The following ANKRD30A variants were observed in gnomAD, a reference collection of about 807,000 sequenced individuals.
ANKRD30A encodes ankyrin repeat domain-containing protein 30A.
A neutral mutation model predicts 166.3 loss-of-function variants in ANKRD30A; 170 were observed. The ratio of observed to expected loss-of-function variants is 1.02; its 90% CI spans 0.90 to 1.16. The LOEUF is 1.16. Among genes scored for constraint, ANKRD30A ranks in the 50% most tolerant of loss-of-function variants. The probability of loss-of-function intolerance (pLI) is 0.00; values close to 1 mark genes in which losing one functional copy is unlikely to be tolerated. For synonymous variants in ANKRD30A, 564 were observed against 508.9 expected (o/e 1.11, Z -1.46); for missense variants, 1,630 against 1,518.0 (o/e 1.07, Z -1.23).
chr10:37,130,275 A>C lies in ANKRD30A; in HGVS notation c.407A>C (p.Asp136Ala). The stretch of plus-strand genomic sequence containing the variant: ...TCTGGTGCCGATATAAATCTCGTAG[A>C]TGTGTATGGCAACACGGCTCTCCAT... ...IDSGADINLV[D>A]VYGNTALHYA... Residue 136 changes from aspartate (D) to alanine (A), a missense_variant, in exon 3 of 36, where the codon GAT (aspartate) becomes GCT (alanine). Asp to Ala is a moderately radical substitution (Grantham distance 126). Coordinates refer to ENST00000361713, the MANE Select transcript of ANKRD30A (RefSeq NM_052997.3). 1 of 1,605,144 alleles carries C rather than the reference A, an allele frequency of 6.2e-7. No homozygotes were observed. The highest frequency in any genetic ancestry group is 8.5e-7 in the Non-Finnish European group (1 of 1,176,070).
chr10:37,139,078 T>G (rs973404203), intron 6 of ANKRD30A, among the ~76,000 whole-genome samples: 21 of 152,294 alleles, frequency 1.4e-4, no homozygotes, highest in South Asian at 8.3e-4. Context: ...TATTCAACAT[T>G]CTTAAAGAAA....
chr10:37,153,776 A>T (rs1838147017), intron 13 of ANKRD30A, 114 bp downstream of exon 13: 1 of 1,423,094 alleles, frequency 7.0e-7, no homozygotes, highest in African/African-American at 1.4e-5. Context: ...AACCATGGAA[A>T]AAAAGAGAAG....
At position 37,219,720 on chromosome 10, in the gene ANKRD30A, A is replaced by AT. The variant is rs766541258; in HGVS notation, c.4010dup (p.Leu1337PhefsTer6). 1.8e-5 allele frequency: 29 copies of AT among 1,609,252 alleles called. No homozygotes were observed. The highest frequency in any genetic ancestry group is 6.7e-5 in the Admixed American group (4 of 59,500). On this transcript the variant is annotated frameshift_variant, in exon 34 of 36. Coordinates refer to ENST00000361713, the MANE Select transcript of ANKRD30A (RefSeq NM_052997.3). LOFTEE classifies it high-confidence loss of function. ...GCAAAAATATGTGGCTTCAACAGCA[A>AT]TTAGTTCATGCACATAAGAAAGCTG...
intron 13 of ANKRD30A, among the ~76,000 whole-genome samples, chr10:37,154,895 T>G (rs1158205087): frequency 6.6e-6 from 1 of 152,192 alleles, no homozygotes; most frequent in East Asian, 1.9e-4. Context: ...TTTTCTTTAT[T>G]ACTATGAGGC....
chr10:37,239,079 C>T, the ANKRD30A span, among the ~76,000 whole-genome samples: 450 of 152,232 alleles, frequency 3.0e-3, 6 homozygotes, highest in African/African-American at 9.2e-3. Flanking sequence ...GAGAATACCT[C>T]TTATACAAAA....
the ANKRD30A span, among the ~76,000 whole-genome samples, chr10:37,254,254 A>G: frequency 6.6e-6 from 1 of 152,230 alleles, no homozygotes; most frequent in South Asian, 2.1e-4. Context: ...TTGCTAGGTC[A>G]TAAGCTACCT....
chr10:37,152,340 G>A (rs1396879114), intron 12 of ANKRD30A, among the ~76,000 whole-genome samples: 1 of 152,104 alleles, frequency 6.6e-6, no homozygotes, highest in African/African-American at 2.4e-5. Context: ...AGAAGCCAAA[G>A]TGGTATAGTG....
intron 25 of ANKRD30A, among the ~76,000 whole-genome samples, chr10:37,190,987 C>G (rs182682031): frequency 6.6e-6 from 1 of 151,700 alleles, no homozygotes; most frequent in African/African-American, 2.4e-5. Flanking sequence ...CTACACGAAA[C>G]CAGACTAATT....
chr10:37,217,661 A>G, intron 32 of ANKRD30A, 34 bp from the exon 33 acceptor site: 1 of 1,456,970 alleles, frequency 6.9e-7, no homozygotes, highest in Non-Finnish European at 9.2e-7. Flanking sequence ...TTTTCTAACA[A>G]AATGAATTTT....
At chr10:37,204,451 T>A (rs1393395665) in intron 31 of ANKRD30A, among the ~76,000 whole-genome samples, 1 of 152,040 alleles carries the variant, frequency 6.6e-6, no homozygotes, top group African/African-American at 2.4e-5. Flanking sequence ...TCCTTACAAC[T>A]TATACAAAAA....
intron 31 of ANKRD30A, among the ~76,000 whole-genome samples, chr10:37,204,405 G>A (rs573564772): frequency 6.6e-6 from 1 of 152,280 alleles, no homozygotes; most frequent in Admixed American, 6.5e-5. Context: ...TGGGAAAACT[G>A]GCTAGCCATA....
intron 6 of ANKRD30A, among the ~76,000 whole-genome samples, chr10:37,139,265 C>T (rs1161619180): frequency 1.3e-5 from 2 of 152,162 alleles, no homozygotes; most frequent in African/African-American, 4.8e-5. Context: ...TACTGATATT[C>T]AGTGAAAGAG....
chr10:37,232,878 A>G (rs1184551857), downstream of ANKRD30A, among the ~76,000 whole-genome samples: 1 of 129,308 alleles, frequency 7.7e-6, no homozygotes, highest in Non-Finnish European at 1.7e-5. Context: ...AGCCTGGGCA[A>G]CATAGCCCCT....
chr10:37,138,838 C>T (rs7081370), intron 6 of ANKRD30A, among the ~76,000 whole-genome samples: 3,027 of 152,254 alleles, frequency 0.02, 88 homozygotes, highest in African/African-American at 0.068. Flanking sequence ...CCCAATCTAG[C>T]AAGGCAGGCC....
chr10:37,252,026 G>A, the ANKRD30A span, among the ~76,000 whole-genome samples: 1 of 152,216 alleles, frequency 6.6e-6, no homozygotes, highest in East Asian at 1.9e-4. Flanking sequence ...CCTGGTGTCA[G>A]GCCACACTGG....
At chr10:37,196,525 T>A (rs1287928399) in intron 27 of ANKRD30A, among the ~76,000 whole-genome samples, 1 of 152,168 alleles carries the variant, frequency 6.6e-6, no homozygotes, top group African/African-American at 2.4e-5. Context: ...AATACTGAAT[T>A]TATACTTCAA....
intron 34 of ANKRD30A, among the ~76,000 whole-genome samples, chr10:37,223,852 T>C (rs991811343): frequency 4.0e-4 from 61 of 151,246 alleles, no homozygotes; most frequent in African/African-American, 1.4e-3. Flanking sequence ...ATTAAACATA[T>C]GTATTGACTT....
chr10:37,132,794 T>G (rs1485260272), intron 4 of ANKRD30A, among the ~76,000 whole-genome samples: 3 of 152,138 alleles, frequency 2.0e-5, no homozygotes, highest in African/African-American at 7.2e-5. Flanking sequence ...GGCCAGGAGT[T>G]TGAGACCAGC....
the ANKRD30A span, among the ~76,000 whole-genome samples, chr10:37,254,305 G>A: frequency 1.3e-5 from 2 of 152,152 alleles, no homozygotes; most frequent in Non-Finnish European, 2.9e-5. Context: ...GTTTTCCAAA[G>A]TGTGTACTAT....
Sources: gnomAD v4.1 joint callset for allele counts (sites outside exome capture counted in the v4.1 genomes callset) on GRCh38, gnomAD v4.1.1 for gene constraint, MANE v1.5 for transcripts, NCBI Gene and HGNC (gene_info 2026-07-23, HGNC 2026-07-21) for gene names.